The following ZFHX3 variants were observed in gnomAD, a reference collection of about 807,000 sequenced individuals.
ZFHX3 encodes the protein zinc finger homeobox protein 3.
Under a neutral mutation model 279.1 loss-of-function variants are expected in ZFHX3, and 42 were observed. The ratio of observed to expected loss-of-function variants is 0.15; its 90% CI spans 0.12 to 0.19. ZFHX3 has a LOEUF of 0.19. Among genes scored for constraint, ZFHX3 ranks in the 10% least tolerant of loss-of-function variants. The pLI is 1.00. For missense variants in ZFHX3, 4,981 were observed against 4,754.0 expected (o/e 1.05, Z -1.40); for synonymous variants, 2,293 against 1,957.8 (o/e 1.17, Z -4.52).
intron 4 of ZFHX3, among the ~76,000 whole-genome samples, chr16:72,850,335 G>A (rs375320574): frequency 6.6e-6 from 1 of 152,210 alleles, no homozygotes; most frequent in African/African-American, 2.4e-5. Flanking sequence ...GCTTCAGTAC[G>A]GAAAAGGACT....
rs1246986751 is a variant in ZFHX3, at chr16:73,065,535, G to A, written c.-532-6523C>T. Among the ~76,000 whole-genome samples the A allele has an allele frequency of 4.0e-5, 6 of 151,010 alleles. No homozygotes were observed. In the South Asian group the frequency reaches 8.4e-4, roughly 21 times the overall value. ...GGCGAGGGAAATCTTTGAAATGAAG[G>A]AAATCAGTGGGGGACGAACTAGCTT... On this transcript the variant is annotated intron_variant, in intron 8 of 17. Transcript: ENST00000641206.
intron 4 of ZFHX3, among the ~76,000 whole-genome samples, chr16:73,292,774 G>A (rs1567441985): frequency 2.0e-5 from 3 of 152,126 alleles, no homozygotes; most frequent in East Asian, 1.9e-4. Context: ...ATGGTGAGGG[G>A]TGGCCTCTTG....
chr16:73,710,301 G>T (rs754083438), intron 1 of ZFHX3, among the ~76,000 whole-genome samples: 8 of 152,160 alleles, frequency 5.3e-5, no homozygotes, highest in African/African-American at 1.9e-4. Context: ...AAATGGTAAC[G>T]ATCATGTGGT....
At chr16:73,736,183 T>G (rs1026297951) in intron 1 of ZFHX3, among the ~76,000 whole-genome samples, 2 of 152,128 alleles carry the variant, frequency 1.3e-5, no homozygotes, top group African/African-American at 2.4e-5. Context: ...GCCCACAGAT[T>G]CAGTGATCCC....
chr16:73,649,649 C>T (rs1274012183), intron 2 of ZFHX3, among the ~76,000 whole-genome samples: 1 of 152,148 alleles, frequency 6.6e-6, no homozygotes, highest in South Asian at 2.1e-4. Context: ...TTTGGGTCAG[C>T]AAATCCAGTG....
At chr16:73,800,561 C>G (rs1960116586) in intron 1 of ZFHX3, among the ~76,000 whole-genome samples, 1 of 152,024 alleles carries the variant, frequency 6.6e-6, no homozygotes, top group South Asian at 2.1e-4. Flanking sequence ...CTTCCTCCTC[C>G]TCCTCCTCTT....
chr16:73,650,271 C>G (rs549258542), intron 2 of ZFHX3, among the ~76,000 whole-genome samples: 1 of 150,938 alleles, frequency 6.6e-6, no homozygotes, highest in South Asian at 2.1e-4. Flanking sequence ...CTCAAAATAT[C>G]AGAGAAAGCA....
At chr16:73,297,032 C>A (rs983487484) in intron 4 of ZFHX3, among the ~76,000 whole-genome samples, 1 of 151,736 alleles carries the variant, frequency 6.6e-6, no homozygotes, top group Non-Finnish European at 1.5e-5. Flanking sequence ...CGCCCACCAC[C>A]CTGCCCGGCT....
At chr16:73,106,829 G>A (rs1966311234) in intron 7 of ZFHX3, among the ~76,000 whole-genome samples, 1 of 152,160 alleles carries the variant, frequency 6.6e-6, no homozygotes, top group Admixed American at 6.5e-5. Context: ...TTCCAAGGGT[G>A]TCCTCGTGTG....
rs1186515255 is a variant in ZFHX3, at chr16:73,258,059, C to A, written c.-1193-923G>T. ...CAGGTCTCCAGATTTTGCCAAATGT[C>A]CCCATTAAGAACCACTGGAGTACAG... On this transcript the variant is annotated intron_variant, in intron 4 of 17. Transcript: ENST00000641206. Among the ~76,000 whole-genome samples, 4 of 152,290 alleles carry A rather than the reference C, an allele frequency of 2.6e-5. No individual in the cohort carries two copies. The East Asian group carries it at 7.7e-4, about 29-fold the overall frequency.
chr16:73,321,032 C>T (rs1443902258), intron 3 of ZFHX3, among the ~76,000 whole-genome samples: 1 of 152,158 alleles, frequency 6.6e-6, no homozygotes, highest in East Asian at 1.9e-4. Context: ...GATCTGACCC[C>T]CAGGAGATCC....
intron 2 of ZFHX3, among the ~76,000 whole-genome samples, chr16:73,648,642 C>T (rs1356230781): frequency 6.6e-6 from 1 of 152,090 alleles, no homozygotes; most frequent in Non-Finnish European, 1.5e-5. Flanking sequence ...AAACCCCTGA[C>T]CTCAGGTGAT....
intron 6 of ZFHX3, among the ~76,000 whole-genome samples, chr16:73,140,277 A>G (rs1474376203): frequency 6.6e-6 from 1 of 152,138 alleles, no homozygotes; most frequent in Non-Finnish European, 1.5e-5. Flanking sequence ...AAGGTATAAA[A>G]TAAAATGACC....
chr16:73,788,443 G>C (rs1356108695), intron 1 of ZFHX3, among the ~76,000 whole-genome samples: 1 of 152,102 alleles, frequency 6.6e-6, no homozygotes, highest in African/African-American at 2.4e-5. Flanking sequence ...TCAGGGTTGG[G>C]GGTAGGTGAA....
chr16:73,507,484 A>ATTTTTTTTT (rs2019347245), intron 2 of ZFHX3, among the ~76,000 whole-genome samples: 1 of 101,332 alleles, frequency 9.9e-6, no homozygotes, highest in Non-Finnish European at 1.9e-5. Context: ...CAGCTCTGCC[A>ATTTTTTTTT]CTTTTTTTTT....
intron 1 of ZFHX3, among the ~76,000 whole-genome samples, chr16:72,988,159 G>C (rs771400240): frequency 1.9e-4 from 29 of 152,134 alleles, no homozygotes; most frequent in South Asian, 4.1e-4. Flanking sequence ...AACCATTTAG[G>C]AGCACTGTAA....
intron 4 of ZFHX3, among the ~76,000 whole-genome samples, chr16:73,265,015 CAT>C (rs59599339): frequency 0.027 from 3,847 of 141,736 alleles, 155 homozygotes; most frequent in African/African-American, 0.088. Context: ...CACCTCAGTG[CAT>C]ATATATATAT....
At position 73,779,111 on chromosome 16, in the gene ZFHX3, G is replaced by C. The variant is rs565522339; in HGVS notation, c.-1607-98871C>G. On this transcript the variant is annotated intron_variant, in intron 1 of 17. Transcript: ENST00000641206. Reference sequence around the variant, plus strand: ...GGCTCCAGAGTGGCACACAGAACCCGTGTCTTGCATTTGGAACACAGAAAC... The same window carrying C: ...GGCTCCAGAGTGGCACACAGAACCCCTGTCTTGCATTTGGAACACAGAAAC... 6.8e-4 allele frequency among the ~76,000 whole-genome samples: 103 copies of C among 152,244 alleles called. 1 individual carries two copies. Among genetic ancestry groups the C allele is most frequent in the African/African-American group, 2.5e-3 (102 of 41,570 alleles).
intron 1 of ZFHX3, among the ~76,000 whole-genome samples, chr16:73,687,812 C>CATTCCAA (rs2053105230): frequency 3.8e-5 from 2 of 52,174 alleles, no homozygotes; most frequent in African/African-American, 1.0e-4. Context: ...TGTGCCACTG[C>CATTCCAA]ACTCCAAACT....
Sources: allele counts gnomAD v4.1 joint callset (sites outside exome capture counted in the v4.1 genomes callset), GRCh38; gene constraint gnomAD v4.1.1; transcripts MANE v1.5; gene names NCBI Gene and HGNC (gene_info 2026-07-23, HGNC 2026-07-21).